Variants in FRMPD4 observed in about 807,000 individuals in gnomAD.
The protein encoded by FRMPD4 is FERM and PDZ domain containing 4.
A neutral mutation model predicts 94.1 loss-of-function variants in FRMPD4; 22 were observed. That is an observed-to-expected ratio of 0.23 (90% CI 0.17 to 0.33). FRMPD4 has a LOEUF of 0.33. Ranked by LOEUF, FRMPD4 falls within the 10% of genes least tolerant of loss-of-function variation. FRMPD4 has a pLI of 1.00. For missense variants in FRMPD4, 1,111 were observed against 1,339.9 expected, an observed-to-expected ratio of 0.83 and a Z score of 2.67; for synonymous variants, 631 against 548.6, an observed-to-expected ratio of 1.15 and a Z score of -2.10.
At chrX:12,278,690 C>A (rs1461522901) in intron 1 of FRMPD4, among the ~76,000 whole-genome samples, 3 of 111,518 alleles carry the variant, frequency 2.7e-5, no homozygotes, top group African/African-American at 9.8e-5. Flanking sequence ...CTGAGACTCC[C>A]AGTGAACACA....
At chrX:12,702,539 C>T (rs1261410511) in intron 10 of FRMPD4, among the ~76,000 whole-genome samples, 1 of 111,909 alleles carries the variant, frequency 8.9e-6, no homozygotes. Flanking sequence ...CCCCCCACAC[C>T]CTGCTTACAA....
At chrX:12,099,229 A>G (rs967993558) in intron 3 of FRMPD4, among the ~76,000 whole-genome samples, 3 of 110,639 alleles carry the variant, frequency 2.7e-5, no homozygotes. Context: ...ATAAAAAAAT[A>G]TATATATATA....
At position 11,901,478 on chromosome X, in the gene FRMPD4, G is replaced by A. The variant is rs139941360; in HGVS notation, c.95+23460G>A. 5.3e-3 allele frequency among the ~76,000 whole-genome samples: 599 copies of A among 112,143 alleles called. 4 individuals carry two copies. Among genetic ancestry groups the A allele is most frequent in the African/African-American group, 0.018 (565 of 30,878 alleles). On this transcript the variant is annotated intron_variant, in intron 3 of 18. Transcript: ENST00000640291. ...GTATTCTTTGGTATACATATACCAC[G>A]TTTTCTTTATCCACTCATTAGTTGA...
At chrX:12,070,183 C>A in intron 3 of FRMPD4, among the ~76,000 whole-genome samples, 1 of 108,591 alleles carries the variant, frequency 9.2e-6, no homozygotes, top group Non-Finnish European at 1.9e-5. Context: ...CTTGAGTGGC[C>A]AAGAGGAGGG....
Position 12,717,639 on chromosome X carries a change from C to G in FRMPD4, c.2813C>G (p.Ala938Gly). Residue 938 changes from alanine (A) to glycine (G), a missense_variant, in exon 16 of 17, where the codon GCC becomes GGC. By Grantham distance (60) the Ala-to-Gly change is moderately conservative (BLOSUM62 0). Coordinates refer to ENST00000675598, the MANE Select transcript of FRMPD4 (RefSeq NM_001368397.1). The stretch of plus-strand genomic sequence containing the variant: ...GAAAACCTCTCCCGCATGTTCTTGG[C>G]CACTCACGAAGGCTACCACCCCCTT... The part of the protein sequence containing the change: ...QSENLSRMFL[A>G]THEGYHPLAE... 1.7e-6 allele frequency: 2 copies of G among 1,210,348 alleles called. No individual in the cohort carries two copies. Among genetic ancestry groups the G allele is most frequent in the Non-Finnish European group, 2.2e-6 (2 of 894,068 alleles).
chrX:12,214,136 A>G (rs1206954631), intron 1 of FRMPD4, among the ~76,000 whole-genome samples: 3 of 112,164 alleles, frequency 2.7e-5, no homozygotes, highest in African/African-American at 9.7e-5. Context: ...ATTAAAAATC[A>G]AAGTTCTTTA....
chrX:12,407,599 T>C (rs1728811767), intron 1 of FRMPD4, among the ~76,000 whole-genome samples: 1 of 112,465 alleles, frequency 8.9e-6, no homozygotes, highest in African/African-American at 3.2e-5. Context: ...ATACACTAGC[T>C]ATTGATGTTG....
chrX:11,865,387 T>G (rs1223170501), intron 2 of FRMPD4, among the ~76,000 whole-genome samples: 1 of 111,953 alleles, frequency 8.9e-6, no homozygotes, highest in East Asian at 2.8e-4. Flanking sequence ...TTGTGTTTTT[T>G]TAAAAGCTCA....
intron 3 of FRMPD4, among the ~76,000 whole-genome samples, chrX:12,008,155 T>C (rs1270702914): frequency 2.7e-5 from 3 of 112,335 alleles, no homozygotes; most frequent in Non-Finnish European, 5.6e-5. Flanking sequence ...TAGTGAGGCT[T>C]TGTGCCAAGT....
intron 3 of FRMPD4, among the ~76,000 whole-genome samples, chrX:12,083,670 T>C (rs1052099468): frequency 8.9e-6 from 1 of 112,588 alleles, no homozygotes; most frequent in Admixed American, 9.3e-5. Flanking sequence ...GGAGAGAGGC[T>C]GTACCCTGCA....
chrX:12,015,121 A>C, intron 3 of FRMPD4, among the ~76,000 whole-genome samples: 1 of 111,412 alleles, frequency 9.0e-6, no homozygotes, highest in Non-Finnish European at 1.9e-5. Flanking sequence ...TTAATTCTAA[A>C]AGTGTGGTCA....
At chrX:12,074,669 A>G (rs1235608778) in intron 3 of FRMPD4, among the ~76,000 whole-genome samples, 1 of 112,305 alleles carries the variant, frequency 8.9e-6, no homozygotes, top group Non-Finnish European at 1.9e-5. Flanking sequence ...ATATTCTATT[A>G]GGGAAATTTG....
intron 3 of FRMPD4, among the ~76,000 whole-genome samples, chrX:11,991,811 C>A (rs1261067556): frequency 8.9e-6 from 1 of 112,038 alleles, no homozygotes. Flanking sequence ...ACTTTATCAG[C>A]GTCAAAGGTA....
chrX:11,854,241 C>T (rs1440950006), intron 1 of FRMPD4, among the ~76,000 whole-genome samples: 1 of 111,253 alleles, frequency 9.0e-6, no homozygotes, highest in Non-Finnish European at 1.9e-5. Context: ...TTTATCTCTA[C>T]CTGGTCCCTC....
chrX:12,015,431 G>A (rs1406206040), intron 3 of FRMPD4, among the ~76,000 whole-genome samples: 1 of 111,614 alleles, frequency 9.0e-6, no homozygotes, highest in Non-Finnish European at 1.9e-5. Context: ...CTCATTGGAT[G>A]CTTTCATACC....
At chrX:12,695,547 G>A (rs766508824) in intron 9 of FRMPD4, among the ~76,000 whole-genome samples, 2 of 110,513 alleles carry the variant, frequency 1.8e-5, no homozygotes, top group Admixed American at 1.9e-4. Flanking sequence ...TGGGATTACA[G>A]GTGCCTGCCA....
chrX:12,382,633 A>G (rs1217553907), intron 1 of FRMPD4, among the ~76,000 whole-genome samples: 2 of 111,410 alleles, frequency 1.8e-5, no homozygotes, highest in Admixed American at 9.5e-5. Flanking sequence ...TGTTGCTTAC[A>G]TATGATGGTC....
At chrX:12,692,779 A>G (rs2060090818) in intron 8 of FRMPD4, among the ~76,000 whole-genome samples, 1 of 112,599 alleles carries the variant, frequency 8.9e-6, no homozygotes, top group South Asian at 3.6e-4. Context: ...TAATTAAAGG[A>G]GTCAGAGATA....
chrX:12,112,439 G>T (rs2147525326), intron 3 of FRMPD4, among the ~76,000 whole-genome samples: 1 of 110,439 alleles, frequency 9.1e-6, no homozygotes, highest in African/African-American at 3.3e-5. Flanking sequence ...TAGGGGGAGG[G>T]ATAACAGTAG....
Sources: allele counts gnomAD v4.1 joint callset (sites outside exome capture counted in the v4.1 genomes callset), GRCh38; gene constraint gnomAD v4.1.1; transcripts MANE v1.5; gene names NCBI Gene and HGNC (gene_info 2026-07-23, HGNC 2026-07-21).